The following BBOX1 variants were observed in gnomAD, a reference collection of about 807,000 sequenced individuals.
BBOX1 encodes gamma-butyrobetaine dioxygenase.
In BBOX1, 35 loss-of-function variants were observed where a neutral mutation model predicts 41.6. The ratio of observed to expected loss-of-function variants is 0.84; its 90% CI spans 0.64 to 1.11. BBOX1 has a LOEUF of 1.11. Ranked by LOEUF, BBOX1 falls within the 50% of genes most tolerant of loss-of-function variation. The pLI is 0.00. For missense variants in BBOX1, 458 were observed against 460.6 expected (o/e 0.99, Z 0.05); for synonymous variants, 163 against 154.7 (o/e 1.05, Z -0.40).
chr11:27,077,615 TA>T (rs34920955), intron 4 of BBOX1, among the ~76,000 whole-genome samples: 52,458 of 136,736 alleles, frequency 0.38, 11,683 homozygotes, highest in African/African-American at 0.64. Flanking sequence ...ATCCACCATC[TA>T]AAAAAAAAAA....
intron 4 of BBOX1, among the ~76,000 whole-genome samples, chr11:27,083,976 C>A (rs1033731643): frequency 6.6e-6 from 1 of 152,052 alleles, no homozygotes; most frequent in Non-Finnish European, 1.5e-5. Context: ...CTGCCATAGC[C>A]CCTTAGCACT....
intron 5 of BBOX1, among the ~76,000 whole-genome samples, chr11:27,097,661 G>A (rs1461931420): frequency 6.6e-6 from 1 of 151,950 alleles, no homozygotes; most frequent in Non-Finnish European, 1.5e-5. Flanking sequence ...AAGTAACCCC[G>A]GACTTTTGGC....
At chr11:27,100,429 AT>A (rs1858606811) in intron 5 of BBOX1, among the ~76,000 whole-genome samples, 1 of 152,136 alleles carries the variant, frequency 6.6e-6, no homozygotes, top group Non-Finnish European at 1.5e-5. Flanking sequence ...ACAAAGAAAA[AT>A]TGCCTGAGTT....
At chr11:27,052,255 G>C (rs1057256655) in intron 2 of BBOX1, among the ~76,000 whole-genome samples, 5 of 151,952 alleles carry the variant, frequency 3.3e-5, no homozygotes, top group African/African-American at 1.2e-4. Context: ...TTGGAACATT[G>C]CTTACATGTG....
chr11:27,061,436 G>T (rs551292828), intron 4 of BBOX1, among the ~76,000 whole-genome samples: 3 of 152,190 alleles, frequency 2.0e-5, no homozygotes, highest in Non-Finnish European at 2.9e-5. Flanking sequence ...CTGTGCAGTT[G>T]GTGGGTAAAA....
At chr11:27,081,765 G>A (rs1361516631) in intron 4 of BBOX1, among the ~76,000 whole-genome samples, 1 of 152,132 alleles carries the variant, frequency 6.6e-6, no homozygotes, top group Non-Finnish European at 1.5e-5. Context: ...GCGTGAGATA[G>A]TATTTCATTG....
At chr11:27,121,759 G>A (rs906491656) in intron 7 of BBOX1, among the ~76,000 whole-genome samples, 19 of 152,200 alleles carry the variant, frequency 1.2e-4, no homozygotes, top group Non-Finnish European at 2.5e-4. Context: ...TAATGTGACA[G>A]TTTTAACTAG....
chr11:27,089,886 A>G (rs1249425349), intron 4 of BBOX1, among the ~76,000 whole-genome samples: 1 of 152,010 alleles, frequency 6.6e-6, no homozygotes, highest in Non-Finnish European at 1.5e-5. Context: ...TTAGGCAGTC[A>G]GTATGTAATT....
chr11:27,092,048 A>C (rs189176648), intron 4 of BBOX1, among the ~76,000 whole-genome samples: 1 of 151,978 alleles, frequency 6.6e-6, no homozygotes, highest in Admixed American at 6.6e-5. Flanking sequence ...GTGCACCTGC[A>C]TGTATCTTTT....
intron 4 of BBOX1, among the ~76,000 whole-genome samples, chr11:27,071,114 C>A (rs1414088257): frequency 2.0e-5 from 3 of 151,976 alleles, no homozygotes; most frequent in Non-Finnish European, 2.9e-5. Flanking sequence ...GTGGCTCATG[C>A]CTATAATCCC....
chr11:27,072,638 G>A (rs1033780308), intron 4 of BBOX1, among the ~76,000 whole-genome samples: 1 of 152,142 alleles, frequency 6.6e-6, no homozygotes, highest in Non-Finnish European at 1.5e-5. Context: ...AAAGAACAAA[G>A]TGGCAGGCAT....
At chr11:27,089,998 C>T (rs1360918050) in intron 4 of BBOX1, among the ~76,000 whole-genome samples, 3 of 151,954 alleles carry the variant, frequency 2.0e-5, no homozygotes, top group Non-Finnish European at 4.4e-5. Context: ...AGTGGCAAAG[C>T]AAACAATCAC....
In BBOX1 at chr11:27,055,529, G is replaced by A; in HGVS notation, c.99G>A (p.Trp33Ter). 6.2e-7 allele frequency: 1 copy of A among 1,614,176 alleles called. No individual in the cohort carries two copies. Among genetic ancestry groups the A allele is most frequent in the Non-Finnish European group, 8.5e-7 (1 of 1,180,034 alleles). ...DEEESLYPAV[W>*]LRDNCPCSDC... ...AAGAGTCTCTCTACCCAGCTGTATG[G>A]TTGAGAGACAACTGTCCGTGCTCTG... The change falls in exon 3 of 9, where the codon TGG becomes TGA. Residue 33 changes from tryptophan to a stop codon, truncating the protein, a stop_gained. Coordinates refer to ENST00000263182, the MANE Select transcript of BBOX1 (RefSeq NM_003986.3). LOFTEE classifies it high-confidence loss of function.
chr11:27,041,590 G>A (rs1182142125), intron 2 of BBOX1, 112 bp downstream of exon 2: 1 of 152,190 alleles, frequency 6.6e-6, no homozygotes, highest in African/African-American at 2.4e-5. Flanking sequence ...TGTGGACTGA[G>A]GTGGTGGGGA....
chr11:27,055,194 T>A (rs563262846), intron 2 of BBOX1, 199 bp from the exon 3 acceptor site: 1 of 425,998 alleles, frequency 2.3e-6, no homozygotes, highest in African/African-American at 2.0e-5. Flanking sequence ...TCCCATTTAC[T>A]TTTAGTCACT....
intron 6 of BBOX1, 144 bp from the exon 7 acceptor site, chr11:27,119,505 C>A: frequency 2.1e-6 from 1 of 477,844 alleles, no homozygotes; most frequent in Non-Finnish European, 3.1e-6. Context: ...TTGGTTCATT[C>A]ATAGCTTTTT....
intron 2 of BBOX1, among the ~76,000 whole-genome samples, chr11:27,054,959 A>AT (rs1185223005): frequency 1.3e-5 from 2 of 151,922 alleles, no homozygotes; most frequent in Admixed American, 6.6e-5. Context: ...TCATAAAAAC[A>AT]TTTTTTTTCA....
chr11:27,117,856 T>C (rs1435097599), intron 6 of BBOX1, among the ~76,000 whole-genome samples: 1 of 151,940 alleles, frequency 6.6e-6, no homozygotes, highest in Non-Finnish European at 1.5e-5. Context: ...AGATTGATCA[T>C]GTCTTTTTAT....
At chr11:27,088,634 T>A (rs1858128242) in intron 4 of BBOX1, among the ~76,000 whole-genome samples, 2 of 152,150 alleles carry the variant, frequency 1.3e-5, no homozygotes, top group African/African-American at 4.8e-5. Flanking sequence ...AGGGACAGAC[T>A]AAGCTATGGA....
Sources: gnomAD v4.1 joint callset for allele counts (sites outside exome capture counted in the v4.1 genomes callset) on GRCh38, gnomAD v4.1.1 for gene constraint, MANE v1.5 for transcripts, NCBI Gene and HGNC (gene_info 2026-07-23, HGNC 2026-07-21) for gene names.